The following FMN2 variants were observed in gnomAD, a reference collection of about 807,000 sequenced individuals.
FMN2 encodes formin-2.
Under a neutral mutation model 142.3 loss-of-function variants are expected in FMN2, and 51 were observed. The ratio of observed to expected loss-of-function variants is 0.36; its 90% CI spans 0.29 to 0.45. The LOEUF (loss-of-function observed/expected upper bound fraction) is 0.45. FMN2 is among the 20% of genes least tolerant of loss of function. The pLI is 1.00. For synonymous variants in FMN2, 882 were observed against 869.8 expected (o/e 1.01, Z -0.25); for missense variants, 1,936 against 2,122.8 (o/e 0.91, Z 1.73).
At chr1:240,100,296 G>A (rs12084378) in intron 1 of FMN2, among the ~76,000 whole-genome samples, 11,557 of 152,148 alleles carry the variant, frequency 0.076, 1,475 homozygotes, top group African/African-American at 0.26. Context: ...GAGGTAAAGG[G>A]AATAGAGAAA....
At chr1:240,311,204 T>C (rs1670593842) in intron 8 of FMN2, among the ~76,000 whole-genome samples, 1 of 152,198 alleles carries the variant, frequency 6.6e-6, no homozygotes, top group Non-Finnish European at 1.5e-5. Flanking sequence ...ACTAGGGTAG[T>C]AGTTGACATA....
At position 240,131,383 on chromosome 1, in the gene FMN2, G is replaced by A. The variant is rs541351442; in HGVS notation, c.1782+8038G>A. On this transcript the variant is annotated intron_variant, in intron 2 of 17. Transcript: ENST00000319653. ...ACCTGGGGCAAGACCTGAGGCATGC[G>A]TAGGAGTTTGCTGTGGGGAACAGCC... is the stretch of plus-strand genomic sequence containing the variant. 7.2e-5 allele frequency among the ~76,000 whole-genome samples: 11 copies of A among 152,166 alleles called. 1 individual carries two copies. The highest frequency in any genetic ancestry group is 2.1e-4 in the South Asian group (1 of 4,814).
In FMN2 at chr1:240,093,435, G is replaced by A; in HGVS notation, c.1326G>A (p.Arg442=). 2 of 1,613,680 alleles carry A rather than the reference G, an allele frequency of 1.2e-6. No homozygotes were observed. The highest frequency in any genetic ancestry group is 1.7e-6 in the Non-Finnish European group (2 of 1,179,782). Residue 442 remains arginine, a synonymous_variant, in exon 1 of 18, where the codon AGG becomes AGA. Transcript: ENST00000319653. ...SPSQSPNQSP[R]IKRRPEPSLS... The stretch of plus-strand genomic sequence containing the variant: ...CTCAGTCCCCTAATCAGAGCCCCAG[G>A]ATCAAGAGGCGGCCGGAACCCTCCC...
intron 15 of FMN2, among the ~76,000 whole-genome samples, chr1:240,409,584 T>A (rs969325982): frequency 6.6e-6 from 1 of 152,226 alleles, no homozygotes; most frequent in Non-Finnish European, 1.5e-5. Flanking sequence ...TTACAAGATA[T>A]GAATTCCCAA....
chr1:240,284,153 A>G (rs554422579), intron 7 of FMN2, among the ~76,000 whole-genome samples: 4 of 152,154 alleles, frequency 2.6e-5, no homozygotes, highest in African/African-American at 7.2e-5. Context: ...TCAAGTCTCT[A>G]TCTACTCAGA....
At chr1:240,188,127 G>A in intron 3 of FMN2, 80 bp from the exon 4 acceptor site, 1 of 1,383,038 alleles carries the variant, frequency 7.2e-7, no homozygotes, top group South Asian at 1.2e-5. Flanking sequence ...ATATATTTTA[G>A]TGAAAGTTTT....
At chr1:240,397,373 AT>A (rs1236201099) in intron 15 of FMN2, among the ~76,000 whole-genome samples, 29 of 152,248 alleles carry the variant, frequency 1.9e-4, no homozygotes, top group African/African-American at 6.5e-4. Context: ...TAGAGACAGA[AT>A]TCTTTCATAT....
chr1:240,162,144 A>C (rs1572005064), intron 2 of FMN2, among the ~76,000 whole-genome samples: 2 of 150,228 alleles, frequency 1.3e-5, no homozygotes, highest in African/African-American at 4.9e-5. Context: ...AAAAAAAAAA[A>C]CAAAAAATTG....
intron 15 of FMN2, among the ~76,000 whole-genome samples, chr1:240,429,262 A>G (rs555509590): frequency 6.6e-6 from 1 of 152,272 alleles, no homozygotes; most frequent in East Asian, 1.9e-4. Context: ...TTCAGTAGAC[A>G]TGTCGTCTTC....
At chr1:240,126,375 C>G (rs571893959) in intron 2 of FMN2, among the ~76,000 whole-genome samples, 1 of 149,550 alleles carries the variant, frequency 6.7e-6, no homozygotes, top group South Asian at 2.1e-4. Flanking sequence ...CCCCCCCCCA[C>G]TTTGTTCCCT....
At chr1:240,391,183 G>T (rs556961026) in intron 14 of FMN2, among the ~76,000 whole-genome samples, 10 of 152,168 alleles carry the variant, frequency 6.6e-5, no homozygotes, top group South Asian at 6.2e-4. Flanking sequence ...CATACAAAAA[G>T]GGAAAGAAAA....
chr1:240,362,523 CTCTT>C lies in FMN2; in HGVS notation c.4858+6617_4858+6620del, dbSNP rs141142879. ...CAGTACACTCCTTCCTTTTTTCTCT[CTCTT>C]TATTTTTGAATCTAATTTGTAGTTT... On this transcript the variant is annotated intron_variant, in intron 14 of 17. Coordinates refer to ENST00000319653, the MANE Select transcript of FMN2 (RefSeq NM_020066.5). Among the ~76,000 whole-genome samples, 777 of 152,132 alleles carry C rather than the reference CTCTT, an allele frequency of 5.1e-3. 7 individuals carry two copies. Among genetic ancestry groups the C allele is most frequent in the African/African-American group, 0.018 (751 of 41,488 alleles).
At chr1:240,109,935 A>C (rs1365858265) in intron 1 of FMN2, among the ~76,000 whole-genome samples, 1 of 152,106 alleles carries the variant, frequency 6.6e-6, no homozygotes, top group Non-Finnish European at 1.5e-5. Context: ...GGCCTAGGAC[A>C]TTCTTTGGGA....
In FMN2 at chr1:240,294,801, AT is replaced by A. The variant is rs1404760468; in HGVS notation, c.4154-19del. The stretch of plus-strand genomic sequence containing the variant: ...TCACAGGTGGCTTATGGCAATTTAT[AT>A]TCTTCTTTTTTTTCCACAGCTGTTG... On this transcript the variant is annotated intron_variant, in intron 7 of 17. Transcript: ENST00000319653. 1 of 1,613,122 alleles carries A rather than the reference AT, an allele frequency of 6.2e-7. No homozygotes were observed. The highest frequency in any genetic ancestry group is 8.5e-7 in the Non-Finnish European group (1 of 1,179,332).
At chr1:240,105,170 G>A (rs966078952) in intron 1 of FMN2, among the ~76,000 whole-genome samples, 9 of 137,564 alleles carry the variant, frequency 6.5e-5, no homozygotes, top group African/African-American at 2.2e-4. Flanking sequence ...GTGCCGTGGC[G>A]TGATCTCGGC....
intron 14 of FMN2, among the ~76,000 whole-genome samples, chr1:240,364,260 G>A (rs2103059248): frequency 6.6e-6 from 1 of 152,154 alleles, no homozygotes; most frequent in East Asian, 1.9e-4. Context: ...AAAAATCATT[G>A]TAATATAGTA....
intron 7 of FMN2, among the ~76,000 whole-genome samples, chr1:240,281,887 A>G (rs1669408029): frequency 6.6e-6 from 1 of 152,180 alleles, no homozygotes; most frequent in Non-Finnish European, 1.5e-5. Context: ...ACTTTGGTTC[A>G]TGAAATTGGG....
chr1:240,412,643 TA>T (rs918909024), intron 15 of FMN2, among the ~76,000 whole-genome samples: 12 of 148,658 alleles, frequency 8.1e-5, no homozygotes, highest in African/African-American at 9.9e-5. Context: ...CCAGAAACTT[TA>T]AAAAAAAAAG....
intron 2 of FMN2, among the ~76,000 whole-genome samples, chr1:240,132,163 G>A (rs755574048): frequency 1.1e-4 from 16 of 152,212 alleles, no homozygotes; most frequent in Non-Finnish European, 1.8e-4. Flanking sequence ...TACTAAAGAC[G>A]GAACAGATTT....
Sources: gnomAD v4.1 joint callset for allele counts (sites outside exome capture counted in the v4.1 genomes callset) on GRCh38, gnomAD v4.1.1 for gene constraint, MANE v1.5 for transcripts, NCBI Gene and HGNC (gene_info 2026-07-23, HGNC 2026-07-21) for gene names.